The following IL33 variants were observed in gnomAD, a reference collection of about 807,000 sequenced individuals.
The protein encoded by IL33 is interleukin-33.
A neutral mutation model predicts 27.3 loss-of-function variants in IL33; 37 were observed. The ratio of observed to expected loss-of-function variants is 1.36; its 90% CI spans 1.04 to 1.78. IL33 has a LOEUF of 1.78. Ranked by LOEUF, IL33 falls within the 40% of genes most tolerant of loss-of-function variation. The probability of loss-of-function intolerance (pLI) is 0.00; values close to 1 mark genes in which losing one functional copy is unlikely to be tolerated. For synonymous variants in IL33, 132 were observed against 102.9 expected, an observed-to-expected ratio of 1.28 and a Z score of -1.71; for missense variants, 406 against 311.4, an observed-to-expected ratio of 1.30 and a Z score of -2.29.
chr9:6,248,498 C>G (rs945867613), intron 2 of IL33, among the ~76,000 whole-genome samples: 2 of 152,134 alleles, frequency 1.3e-5, no homozygotes, highest in Non-Finnish European at 2.9e-5. Context: ...CTTCCACCAT[C>G]AGATGATCCT....
upstream of IL33, among the ~76,000 whole-genome samples, chr9:6,215,564 G>T (rs1477424677): frequency 6.6e-6 from 1 of 152,208 alleles, no homozygotes; most frequent in African/African-American, 2.4e-5. Flanking sequence ...CAACTCCAAA[G>T]AGAGCCAAAA....
intron 1 of IL33, among the ~76,000 whole-genome samples, chr9:6,239,205 T>C (rs1262681189): frequency 6.6e-6 from 1 of 152,138 alleles, no homozygotes; most frequent in Non-Finnish European, 1.5e-5. Context: ...AATTTCAAAT[T>C]TCATATACAT....
At chr9:6,224,667 T>G (rs945436101) in intron 1 of IL33, among the ~76,000 whole-genome samples, 26 of 152,208 alleles carry the variant, frequency 1.7e-4, no homozygotes, top group African/African-American at 6.0e-4. Context: ...TCTCCTACTT[T>G]TTGGCATGTA....
upstream of IL33, among the ~76,000 whole-genome samples, chr9:6,215,375 C>T (rs960439726): frequency 3.9e-5 from 6 of 152,094 alleles, no homozygotes; most frequent in Admixed American, 6.6e-5. Flanking sequence ...TATTTGCAGA[C>T]GAGCTGCTTA....
chr9:6,228,854 A>G (rs1404159045), intron 1 of IL33, among the ~76,000 whole-genome samples: 1 of 151,820 alleles, frequency 6.6e-6, no homozygotes, highest in Admixed American at 6.6e-5. Flanking sequence ...CTCAAAAAAA[A>G]AAAAAATCAG....
In IL33 at chr9:6,257,680, C is replaced by A. The variant is rs12057079; in HGVS notation, c.*1512C>A. 1 of 152,310 alleles carries A rather than the reference C, an allele frequency of 6.6e-6. No individual in the cohort carries two copies. The allele number at this position is 152,310 out of a possible 1,614,324, so 9.4% of individuals were successfully genotyped here. A position where few individuals can be genotyped will look rare whatever the true frequency, so the allele number is the denominator to read the frequency against. On this transcript the variant is annotated 3_prime_UTR_variant, in exon 8 of 8. Transcript: ENST00000682010. Reference sequence around the variant, plus strand: ...ATATGACCTTTTCTGAAAATACATACTTTTACATTTCTACTTTATTGAGAC... The same window carrying A: ...ATATGACCTTTTCTGAAAATACATAATTTTACATTTCTACTTTATTGAGAC...
chr9:6,231,566 A>G (rs894622998), intron 1 of IL33, among the ~76,000 whole-genome samples: 1 of 152,072 alleles, frequency 6.6e-6, no homozygotes, highest in African/African-American at 2.4e-5. Flanking sequence ...ATTCTTTTTT[A>G]TCACTGTTCA....
At chr9:6,251,347 G>A (rs1816346738) in intron 4 of IL33, 82 bp downstream of exon 4, 1 of 1,566,180 alleles carries the variant, frequency 6.4e-7, no homozygotes, top group African/African-American at 1.4e-5. Context: ...CCAGGTAGCA[G>A]TCCCAAGTCT....
chr9:6,227,404 T>C (rs940776105), intron 1 of IL33, among the ~76,000 whole-genome samples: 1 of 152,216 alleles, frequency 6.6e-6, no homozygotes, highest in East Asian at 1.9e-4. Context: ...TAAAAATACA[T>C]CTTGCAGCAT....
intron 2 of IL33, among the ~76,000 whole-genome samples, chr9:6,244,182 G>C (rs1445851941): frequency 6.6e-6 from 1 of 152,082 alleles, no homozygotes; most frequent in African/African-American, 2.4e-5. Flanking sequence ...CTCCTTTAAG[G>C]GAACAGTGGC....
intron 1 of IL33, 55 bp from the exon 2 acceptor site, chr9:6,241,629 T>C (rs1337502681): frequency 9.5e-7 from 1 of 1,053,878 alleles, no homozygotes; most frequent in Non-Finnish European, 1.4e-6. Flanking sequence ...CACAGTTGTT[T>C]CCGTTTGTTT....
chr9:6,243,660 G>A (rs1819661040), intron 2 of IL33, among the ~76,000 whole-genome samples: 1 of 152,128 alleles, frequency 6.6e-6, no homozygotes, highest in South Asian at 2.1e-4. Context: ...TGGCCAGAAA[G>A]CATGCAATTT....
At chr9:6,249,756 G>T (rs886446446) in intron 2 of IL33, among the ~76,000 whole-genome samples, 3 of 152,176 alleles carry the variant, frequency 2.0e-5, no homozygotes, top group African/African-American at 7.2e-5. Flanking sequence ...CATGACTCCT[G>T]AGAGCCTCAG....
rs143722902 is a variant in IL33 at position 6,255,600 on chromosome 9, G to C, written c.613-368G>C. On this transcript the variant is annotated intron_variant, in intron 7 of 7. Coordinates refer to ENST00000682010, the MANE Select transcript of IL33 (RefSeq NM_033439.4). ...CATGTCTGTAGATATTTTGAGGATTGACTGATCTAGAAAACTGGTTAGACT... is the reference window on the plus strand; with the variant it reads ...CATGTCTGTAGATATTTTGAGGATTCACTGATCTAGAAAACTGGTTAGACT... 3.9e-5 allele frequency among the ~76,000 whole-genome samples: 6 copies of C among 152,166 alleles called. No homozygotes were observed. In the East Asian group the frequency reaches 1.2e-3, roughly 29 times the overall value.
intron 1 of IL33, among the ~76,000 whole-genome samples, chr9:6,234,334 C>T (rs780914262): frequency 1.3e-4 from 20 of 152,216 alleles, no homozygotes; most frequent in Non-Finnish European, 2.2e-4. Context: ...ATCTGCCCTA[C>T]ATCAAACTAA....
chr9:6,238,489 T>A (rs1213861785), intron 1 of IL33, among the ~76,000 whole-genome samples: 1 of 152,154 alleles, frequency 6.6e-6, no homozygotes, highest in Non-Finnish European at 1.5e-5. Flanking sequence ...GGCATGCACA[T>A]AATGTTATAG....
rs376385983 is a variant in IL33 at position 6,236,334 on chromosome 9, T to C, written c.-11-5350T>C. Reference sequence around the variant, plus strand: ...ATAATTTTTTACATAGAAAAAAGAATGTCAGGATCTACCACGCATACACTT... The same window carrying C: ...ATAATTTTTTACATAGAAAAAAGAACGTCAGGATCTACCACGCATACACTT... On this transcript the variant is annotated intron_variant, in intron 1 of 7. Coordinates refer to ENST00000682010, the MANE Select transcript of IL33 (RefSeq NM_033439.4). 9.8e-5 allele frequency among the ~76,000 whole-genome samples: 15 copies of C among 152,332 alleles called. No individual in the cohort carries two copies. In the East Asian group the frequency reaches 2.5e-3, roughly 25 times the overall value.
intron 1 of IL33, among the ~76,000 whole-genome samples, chr9:6,218,899 C>CATATAT (rs200982905): frequency 4.4e-5 from 1 of 22,702 alleles, no homozygotes; most frequent in Non-Finnish European, 7.3e-5. Flanking sequence ...ATATGTTCTC[C>CATATAT]ATATATATAT....
chr9:6,237,391 G>T (rs1218505690), intron 1 of IL33, among the ~76,000 whole-genome samples: 1 of 152,152 alleles, frequency 6.6e-6, no homozygotes, highest in African/African-American at 2.4e-5. Context: ...CTATGCTTTT[G>T]ACTTATCATG....
Sources: allele counts gnomAD v4.1 joint callset (sites outside exome capture counted in the v4.1 genomes callset), GRCh38; gene constraint gnomAD v4.1.1; transcripts MANE v1.5; gene names NCBI Gene and HGNC (gene_info 2026-07-23, HGNC 2026-07-21).